SNTB2: variants seen among roughly 807,000 people sequenced by gnomAD.
The protein encoded by SNTB2 is syntrophin beta 2.
A neutral mutation model predicts 46.2 loss-of-function variants in SNTB2; 34 were observed. The ratio of observed to expected loss-of-function variants is 0.74; its 90% confidence interval spans 0.56 to 0.98. The LOEUF (loss-of-function observed/expected upper bound fraction) is 0.98, where lower values mean the gene tolerates loss of function less well. SNTB2 is among the 50% of genes least tolerant of loss of function. The pLI is 0.00. For missense variants in SNTB2, 603 were observed against 731.4 expected, an observed-to-expected ratio of 0.82 and a Z score of 2.02; for synonymous variants, 290 against 312.6, an observed-to-expected ratio of 0.93 and a Z score of 0.76.
intron 2 of SNTB2, among the ~76,000 whole-genome samples, chr16:69,249,399 T>C (rs547521281): frequency 7.2e-5 from 11 of 152,226 alleles, no homozygotes; most frequent in African/African-American, 2.6e-4. Flanking sequence ...GGCAAAACGT[T>C]ATAAAGTTTC....
intron 1 of SNTB2, among the ~76,000 whole-genome samples, chr16:69,221,862 A>G (rs1367094120): frequency 2.6e-5 from 4 of 152,306 alleles, no homozygotes; most frequent in Admixed American, 2.0e-4. Context: ...GATCTTGGTT[A>G]ATACCTATAA....
intron 1 of SNTB2, among the ~76,000 whole-genome samples, chr16:69,227,116 G>C (rs953612125): frequency 6.6e-6 from 1 of 152,148 alleles, no homozygotes; most frequent in Non-Finnish European, 1.5e-5. Context: ...TTAATCTAGA[G>C]CAATTAGCAA....
chr16:69,209,398 C>T (rs886460695), intron 1 of SNTB2, among the ~76,000 whole-genome samples: 1 of 152,166 alleles, frequency 6.6e-6, no homozygotes, highest in African/African-American at 2.4e-5. Context: ...ATGCCTTTTA[C>T]TATAAGCTTG....
At chr16:69,296,989 G>T (rs1355659324) in intron 5 of SNTB2, among the ~76,000 whole-genome samples, 3 of 149,404 alleles carry the variant, frequency 2.0e-5, no homozygotes. Context: ...ATGACAGAGT[G>T]AGACTCTTAT....
chr16:69,288,426 C>G (rs1473659976), intron 5 of SNTB2, among the ~76,000 whole-genome samples: 1 of 152,034 alleles, frequency 6.6e-6, no homozygotes, highest in Non-Finnish European at 1.5e-5. Flanking sequence ...CTTTTTTGTT[C>G]TTATTCACAG....
chr16:69,188,971 G>A (rs1964021838), intron 1 of SNTB2, among the ~76,000 whole-genome samples: 2 of 152,172 alleles, frequency 1.3e-5, no homozygotes, highest in South Asian at 4.1e-4. Context: ...TGAGTCAGGA[G>A]GGTATTCCTG....
chr16:69,223,351 C>T (rs1386627704), intron 1 of SNTB2, among the ~76,000 whole-genome samples: 3 of 151,816 alleles, frequency 2.0e-5, no homozygotes, highest in South Asian at 2.1e-4. Context: ...CCAGCCACCA[C>T]GCCTGGCTAA....
intron 1 of SNTB2, among the ~76,000 whole-genome samples, chr16:69,189,593 C>A (rs1170209273): frequency 6.6e-6 from 1 of 152,082 alleles, no homozygotes; most frequent in African/African-American, 2.4e-5. Context: ...GAAAATTAGC[C>A]AGGCGTGGTG....
intron 4 of SNTB2, among the ~76,000 whole-genome samples, chr16:69,272,570 T>G (rs1241308204): frequency 2.1e-5 from 3 of 145,814 alleles, no homozygotes; most frequent in Non-Finnish European, 3.0e-5. Context: ...AGATAATTAT[T>G]CCAAGTCAGT....
chr16:69,238,331 C>T (rs1192234148), intron 1 of SNTB2, among the ~76,000 whole-genome samples: 4 of 152,188 alleles, frequency 2.6e-5, no homozygotes, highest in Non-Finnish European at 5.9e-5. Flanking sequence ...ACTCTCTTTC[C>T]TATTTCCTTC....
chr16:69,298,590 C>A (rs1400517254), intron 5 of SNTB2, among the ~76,000 whole-genome samples: 1 of 125,744 alleles, frequency 8.0e-6, no homozygotes, highest in Non-Finnish European at 1.6e-5. Flanking sequence ...GGCGTGATTT[C>A]ATCTCACTGC....
At chr16:69,214,522 T>C (rs1246064268) in intron 1 of SNTB2, among the ~76,000 whole-genome samples, 1 of 151,832 alleles carries the variant, frequency 6.6e-6, no homozygotes, top group Non-Finnish European at 1.5e-5. Context: ...ATTTTATATG[T>C]ACATATGTGT....
intron 5 of SNTB2, among the ~76,000 whole-genome samples, chr16:69,291,735 T>C (rs1235880469): frequency 6.6e-6 from 1 of 151,780 alleles, no homozygotes; most frequent in East Asian, 1.9e-4. Context: ...AAAAAATAAA[T>C]AAAATAAGCC....
At chr16:69,284,459 T>TAAAAAAAAA (rs3087058) in intron 5 of SNTB2, among the ~76,000 whole-genome samples, 14 of 45,906 alleles carry the variant, frequency 3.0e-4, no homozygotes, top group African/African-American at 1.0e-3. Flanking sequence ...CCGTCTTTAC[T>TAAAAAAAAA]AAAAAAAAAA....
rs142622173 is a variant in SNTB2, at chr16:69,258,435, A to T, written c.795-1615A>T. Among the ~76,000 whole-genome samples, 949 of 152,148 alleles carry T rather than the reference A, an allele frequency of 6.2e-3. 11 individuals are homozygous for T. The highest frequency in any genetic ancestry group is 0.02 in the African/African-American group (839 of 41,538). On this transcript the variant is annotated intron_variant, in intron 2 of 6. Transcript: ENST00000336278. ...ATATTTTAGCTATTTTCTAAAGGTT[A>T]CTTTTGAAATACAGATTGCTCTTGG...
chr16:69,233,877 T>G (rs574678343), intron 1 of SNTB2, among the ~76,000 whole-genome samples: 1 of 152,198 alleles, frequency 6.6e-6, no homozygotes, highest in East Asian at 1.9e-4. Flanking sequence ...CTCAAGCGGC[T>G]GAGGCAAGAA....
At chr16:69,266,756 G>C (rs140514360) in intron 3 of SNTB2, among the ~76,000 whole-genome samples, 6 of 152,196 alleles carry the variant, frequency 3.9e-5, no homozygotes, top group African/African-American at 1.4e-4. Flanking sequence ...TCACTCTGTT[G>C]CCCAGGCTGG....
chr16:69,196,972 C>T (rs1964111622), intron 1 of SNTB2, among the ~76,000 whole-genome samples: 1 of 151,916 alleles, frequency 6.6e-6, no homozygotes, highest in Non-Finnish European at 1.5e-5. Flanking sequence ...TGTGTTGTTG[C>T]ATCTATCTGG....
intron 4 of SNTB2, among the ~76,000 whole-genome samples, chr16:69,280,802 C>CT (rs35066494): frequency 0.01 from 1,483 of 146,302 alleles, 14 homozygotes; most frequent in African/African-American, 0.025. Flanking sequence ...TTCATTCTCT[C>CT]TTTTTTTTTT....
Sources: gnomAD v4.1 joint callset for allele counts (sites outside exome capture counted in the v4.1 genomes callset) on GRCh38, gnomAD v4.1.1 for gene constraint, MANE v1.5 for transcripts, NCBI Gene and HGNC (gene_info 2026-07-23, HGNC 2026-07-21) for gene names.